EPB41L1: variants seen among roughly 807,000 people sequenced by gnomAD.
The protein encoded by EPB41L1 is band 4.1-like protein 1.
A neutral mutation model predicts 97.8 loss-of-function variants in EPB41L1; 29 were observed. The observed-to-expected ratio is 0.30, with a 90% CI of 0.22 to 0.40. EPB41L1 has a LOEUF of 0.40. EPB41L1 is among the 10% of genes least tolerant of loss of function. EPB41L1 has a pLI of 1.00. For synonymous variants in EPB41L1, 383 were observed against 459.2 expected (o/e 0.83, Z 2.12); for missense variants, 812 against 1,162.3 (o/e 0.70, Z 4.38).
intron 2 of EPB41L1, 149 bp downstream of exon 2, chr20:36,174,103 G>A (rs2061116921): frequency 1.1e-6 from 1 of 909,046 alleles, no homozygotes; most frequent in Non-Finnish European, 1.7e-6. Flanking sequence ...TGTGCTGGGA[G>A]CATTGTTGTT....
In EPB41L1 at chr20:36,219,649, T is replaced by A. The variant is rs578048082; in HGVS notation, c.2356-112T>A. Reference sequence around the variant, plus strand: ...TGAATTCTTAATGGCTGAAAGCATCTTGGCTTCGAAACGTCACCTTCACAG... The same window carrying A: ...TGAATTCTTAATGGCTGAAAGCATCATGGCTTCGAAACGTCACCTTCACAG... On this transcript the variant is annotated intron_variant, in intron 18 of 21. Transcript: ENST00000338074. The A allele has an allele frequency of 9.4e-6, 8 of 851,526 alleles. No individual in the cohort carries two copies. The East Asian group carries it at 1.9e-4, about 21-fold the overall frequency. The allele number at this position is 851,526 out of a possible 1,614,324, so 52.7% of individuals were successfully genotyped here.
chr20:36,125,502 T>C, intron 2 of EPB41L1: 2 of 1,460,086 alleles, frequency 1.4e-6, no homozygotes, highest in Non-Finnish European at 1.9e-6. Context: ...GCAGAGAGCC[T>C]AGCACCTACT....
At chr20:36,154,259 C>A (rs766828449), upstream of EPB41L1, among the ~76,000 whole-genome samples, 2 of 152,118 alleles carry the variant, frequency 1.3e-5, no homozygotes, top group Non-Finnish European at 2.9e-5. This position sits in a 1 kb window ranked among gnomAD's most constrained non-coding sequence, Gnocchi z 5.5. Context: ...ATGGGAGGCC[C>A]ACTGAGGCTG....
chr20:36,138,653 T>A (rs957057097), intron 2 of EPB41L1, among the ~76,000 whole-genome samples: 15 of 152,238 alleles, frequency 9.9e-5, no homozygotes, highest in Non-Finnish European at 2.1e-4. Context: ...ACTCAATCCC[T>A]GCGTCCACTC....
At chr20:36,118,468 C>T (rs1569048337) in intron 2 of EPB41L1, among the ~76,000 whole-genome samples, 2 of 152,164 alleles carry the variant, frequency 1.3e-5, no homozygotes, top group Non-Finnish European at 2.9e-5. Flanking sequence ...AAAAGTAGCA[C>T]CTGGGCCAAA....
chr20:36,137,639 C>T (rs992419561), intron 2 of EPB41L1, among the ~76,000 whole-genome samples: 1 of 152,186 alleles, frequency 6.6e-6, no homozygotes, highest in Admixed American at 6.5e-5. Context: ...ATTCTTCTGC[C>T]TCAGCCTCCT....
intron 2 of EPB41L1, among the ~76,000 whole-genome samples, chr20:36,128,672 G>A (rs1447483953): frequency 1.3e-5 from 2 of 152,218 alleles, no homozygotes; most frequent in Non-Finnish European, 2.9e-5. Context: ...CAATTTCTTA[G>A]CATGGGGTGA....
intron 2 of EPB41L1, among the ~76,000 whole-genome samples, chr20:36,148,249 A>G (rs373083130): frequency 3.2e-4 from 48 of 152,334 alleles, no homozygotes; most frequent in Middle Eastern, 3.4e-3. Flanking sequence ...ATGGAAGTTT[A>G]AAACCCTTGG....
intron 13 of EPB41L1, among the ~76,000 whole-genome samples, chr20:36,197,033 C>G (rs887784655): frequency 1.3e-5 from 2 of 152,236 alleles, no homozygotes; most frequent in Non-Finnish European, 1.5e-5. Context: ...CTCTAATTCT[C>G]CTAATCTTCC....
At chr20:36,181,939 A>C (rs1402131509) in intron 5 of EPB41L1, among the ~76,000 whole-genome samples, 1 of 152,200 alleles carries the variant, frequency 6.6e-6, no homozygotes, top group East Asian at 1.9e-4. Flanking sequence ...CTTCATCTAT[A>C]AAATGGGGCT....
At chr20:36,099,319 C>T (rs763614000) in intron 1 of EPB41L1, among the ~76,000 whole-genome samples, 20 of 152,128 alleles carry the variant, frequency 1.3e-4, no homozygotes, top group Non-Finnish European at 1.5e-4. Context: ...TTCCAGCTCT[C>T]CCTTCTCTGC....
chr20:36,164,851 AATTTTTGT>A (rs1305695955), intron 1 of EPB41L1, among the ~76,000 whole-genome samples: 1 of 151,796 alleles, frequency 6.6e-6, no homozygotes, highest in African/African-American at 2.4e-5. Context: ...ATGCCCGGCT[AATTTTTGT>A]ATTTTTAGTA....
intron 1 of EPB41L1, among the ~76,000 whole-genome samples, chr20:36,100,049 C>T (rs2057961193): frequency 6.6e-6 from 1 of 152,226 alleles, no homozygotes; most frequent in Non-Finnish European, 1.5e-5. Flanking sequence ...CCATGCGGGG[C>T]TCTGGAGTCT....
chr20:36,221,994 C>A, intron 20 of EPB41L1, 50 bp downstream of exon 20: 1 of 1,581,856 alleles, frequency 6.3e-7, no homozygotes, highest in Non-Finnish European at 8.7e-7. Context: ...AGTCCTCAAT[C>A]CCTCCTATGT....
At chr20:36,116,081 A>G (rs149111714) in intron 2 of EPB41L1, among the ~76,000 whole-genome samples, 1 of 152,324 alleles carries the variant, frequency 6.6e-6, no homozygotes, top group East Asian at 1.9e-4. Flanking sequence ...TATGTCCCCT[A>G]GAGGGGAATA....
chr20:36,104,204 G>A (rs768780846), intron 1 of EPB41L1, among the ~76,000 whole-genome samples: 29 of 152,162 alleles, frequency 1.9e-4, no homozygotes, highest in Non-Finnish European at 3.2e-4. Flanking sequence ...AGTCATTAGT[G>A]TAGAGGTGAC....
In EPB41L1 at chr20:36,207,017, A is replaced by T. The variant is rs749387329; in HGVS notation, c.1669-2471A>T. 19 of 1,289,896 alleles carry T rather than the reference A, an allele frequency of 1.5e-5. No homozygotes were observed. The East Asian group carries it at 8.9e-4, about 60-fold the overall frequency. The allele number at this position is 1,289,896 out of a possible 1,614,324, so 79.9% of individuals were successfully genotyped here. A position where few individuals can be genotyped will look rare whatever the true frequency, so the allele number is the denominator to read the frequency against. On this transcript the variant is annotated intron_variant, in intron 14 of 21. Transcript: ENST00000338074. The surrounding 1 kb of genome is among the most constrained non-coding windows in gnomAD (Gnocchi z 4.9). Reference sequence around the variant, plus strand: ...AAAGAGAGGGGAGTGGTTCCCACCCAGAAAGGAGGGGCTGAGCTGAAGGAC... The same window carrying T: ...AAAGAGAGGGGAGTGGTTCCCACCCTGAAAGGAGGGGCTGAGCTGAAGGAC...
chr20:36,122,784 ACCT>A lies in EPB41L1; in HGVS notation c.-10+10306_-10+10308del, dbSNP rs2058797604. ...TTGGCCAGCCCCTTTCCCTTCTTGG[ACCT>A]CAGTTTCAGCACCTGTACAATGGGG... On this transcript the variant is annotated intron_variant, in intron 2 of 19. Coordinates refer to the EPB41L1 transcript ENST00000202028. 3.9e-5 allele frequency: 6 copies of A among 152,094 alleles called. No individual in the cohort carries two copies. The South Asian group carries it at 1.2e-3, about 32-fold the overall frequency. The allele number at this position is 152,094 out of a possible 1,614,324, so 9.4% of individuals were successfully genotyped here.
In EPB41L1 at chr20:36,141,790, G is replaced by A. The variant is rs537678084; in HGVS notation, c.-10+29310G>A. ...ATATTTCCTGTTTGCTTTTTTCTAG[G>A]CATGTACACATACATACATATTTTA... On this transcript the variant is annotated intron_variant, in intron 2 of 19. Transcript: ENST00000202028. Among the ~76,000 whole-genome samples the A allele has an allele frequency of 1.2e-4, 18 of 152,072 alleles. No individual in the cohort carries two copies. In the South Asian group the frequency reaches 3.5e-3, roughly 30 times the overall value.
Sources: allele counts gnomAD v4.1 joint callset (sites outside exome capture counted in the v4.1 genomes callset), GRCh38; gene constraint gnomAD v4.1.1; non-coding constraint Gnocchi (gnomAD v3.1); transcripts MANE v1.5; gene names NCBI Gene and HGNC (gene_info 2026-07-23, HGNC 2026-07-21).